SRPRB: variants seen among roughly 807,000 people sequenced by gnomAD.
SRPRB encodes SRP receptor subunit beta, also known as signal recognition particle receptor subunit beta.
A neutral mutation model predicts 31.9 loss-of-function variants in SRPRB; 20 were observed. The observed-to-expected ratio is 0.63, with a 90% CI of 0.44 to 0.91. SRPRB has a LOEUF of 0.91. Ranked by LOEUF, SRPRB falls within the 40% of genes least tolerant of loss-of-function variation. The probability of loss-of-function intolerance (pLI) is 0.00; values close to 1 mark genes in which losing one functional copy is unlikely to be tolerated. For missense variants in SRPRB, 321 were observed against 324.9 expected, an observed-to-expected ratio of 0.99 and a Z score of 0.09; for synonymous variants, 146 against 132.8, an observed-to-expected ratio of 1.10 and a Z score of -0.68.
chr3:133,794,084 C>T (rs1428660659), intron 1 of SRPRB: 1 of 152,092 alleles, frequency 6.6e-6, no homozygotes, highest in African/African-American at 2.4e-5. Flanking sequence ...TGTTATGCAC[C>T]TAATTTGGGG....
At chr3:133,814,469 C>T (rs531023605) in intron 4 of SRPRB, among the ~76,000 whole-genome samples, 3 of 151,012 alleles carry the variant, frequency 2.0e-5, no homozygotes, top group South Asian at 2.1e-4. Flanking sequence ...GATGGAGTTT[C>T]GCTTTGTCAC....
chr3:133,803,903 T>C (rs553656832), upstream of SRPRB, among the ~76,000 whole-genome samples: 54 of 151,588 alleles, frequency 3.6e-4, 1 homozygote, highest in African/African-American at 1.3e-3. Context: ...GAGACCATCC[T>C]GGCTAACATG....
rs1296767231 is a variant in SRPRB at position 133,815,483 on chromosome 3, A to G, written c.411-107A>G. The stretch of plus-strand genomic sequence containing the variant: ...CACAGACCTGCATGTGTGTCTGCTG[A>G]GTGTTAATCACCAAGATTGACTTTG... On this transcript the variant is annotated intron_variant, in intron 4 of 6. Transcript: ENST00000678299. 2.3e-6 allele frequency: 3 copies of G among 1,328,218 alleles called. No homozygotes were observed. The Admixed American group carries it at 5.3e-5, about 24-fold the overall frequency. 82.3% of individuals were successfully genotyped at this position (1,328,218 alleles called of 1,614,324 possible).
upstream of SRPRB, chr3:133,805,558 T>G: frequency 6.8e-6 from 2 of 295,452 alleles, no homozygotes; most frequent in Non-Finnish European, 6.2e-6. Context: ...CATTCATTCA[T>G]TTTATTCATT....
intron 1 of SRPRB, 75 bp downstream of exon 1, chr3:133,806,077 G>A: frequency 1.9e-6 from 3 of 1,542,452 alleles, no homozygotes; most frequent in Non-Finnish European, 1.8e-6. Flanking sequence ...GCTGCAGGCC[G>A]GGGACGCGGG....
chr3:133,795,799 A>G (rs1048006700), intron 1 of SRPRB: 1 of 151,892 alleles, frequency 6.6e-6, no homozygotes, highest in African/African-American at 2.4e-5. Context: ...GATGGTCTCG[A>G]TCTCCTAACC....
chr3:133,822,229 AT>A (rs1935484893), downstream of SRPRB, among the ~76,000 whole-genome samples: 1 of 151,748 alleles, frequency 6.6e-6, no homozygotes, highest in Admixed American at 6.6e-5. Flanking sequence ...CCTTGGGAAC[AT>A]GGCAGTGTAT....
downstream of SRPRB, chr3:133,826,726 A>G (rs960078122): frequency 1.3e-5 from 2 of 152,652 alleles, no homozygotes; most frequent in South Asian, 2.1e-4. Flanking sequence ...TAACACAACT[A>G]TGCATTATTT....
intron 4 of SRPRB, among the ~76,000 whole-genome samples, chr3:133,812,931 C>G (rs558796653): frequency 6.6e-6 from 1 of 152,264 alleles, no homozygotes; most frequent in South Asian, 2.1e-4. Context: ...ATTCAGTTTT[C>G]CCTCACTGAG....
At chr3:133,789,234 T>C (rs192692299) in intron 1 of SRPRB, 91 of 152,458 alleles carry the variant, frequency 6.0e-4, no homozygotes, top group Middle Eastern at 3.4e-3. Context: ...GGCCCCAATA[T>C]GGTTTGGATT....
At chr3:133,805,737 G>C (rs374648121), upstream of SRPRB, 21 of 1,410,152 alleles carry the variant, frequency 1.5e-5, no homozygotes, top group East Asian at 5.1e-4. Flanking sequence ...CCGCGGCTGA[G>C]GGAGAGACTA....
intron 1 of SRPRB, chr3:133,784,321 T>G (rs1425925146): frequency 6.6e-6 from 1 of 152,132 alleles, no homozygotes; most frequent in East Asian, 1.9e-4. Flanking sequence ...AGAAGGCCCG[T>G]GTATATCCTA....
chr3:133,800,262 C>T (rs1186281096), intron 1 of SRPRB, among the ~76,000 whole-genome samples: 1 of 152,216 alleles, frequency 6.6e-6, no homozygotes, highest in Non-Finnish European at 1.5e-5. Flanking sequence ...TGCTAAGAGC[C>T]AGCAGTTTTG....
At chr3:133,804,495 A>G (rs562170611), upstream of SRPRB, among the ~76,000 whole-genome samples, 45 of 152,370 alleles carry the variant, frequency 3.0e-4, no homozygotes, top group Middle Eastern at 3.4e-3. Context: ...TTGTTTTAAG[A>G]TAATTATCCT....
In SRPRB at chr3:133,807,811, C is replaced by G. The variant is rs112398870; in HGVS notation, c.315C>G (p.Val105=). Residue 105 remains valine (V), a synonymous_variant, in exon 3 of 7, where the codon GTC becomes GTG. Coordinates refer to ENST00000678299, the MANE Select transcript of SRPRB (RefSeq NM_001379313.1). The part of the protein sequence containing the change: ...SITDSCAVYR[V]NNNRGNSLTL... ...CTGACAGCTGTGCTGTATACAGAGT[C>G]AACAATAACAGGGTAAGATGTTTGT... is the stretch of plus-strand genomic sequence containing the variant. 4 of 1,609,896 alleles carry G rather than the reference C, an allele frequency of 2.5e-6. No individual in the cohort carries two copies. The African/African-American group carries it at 5.4e-5, about 22-fold the overall frequency.
chr3:133,797,026 TACAA>T (rs1339607203), intron 1 of SRPRB, among the ~76,000 whole-genome samples: 4 of 152,246 alleles, frequency 2.6e-5, no homozygotes, highest in East Asian at 1.9e-4. Context: ...TTGCTGTGTA[TACAA>T]ACAAACATTT....
At position 133,786,227 on chromosome 3, in the gene SRPRB, A is replaced by T. The variant is rs1178378759; in HGVS notation, c.-174+2083A>T. 5.2e-5 allele frequency: 4 copies of T among 76,938 alleles called. 1 individual carries two copies. Among genetic ancestry groups the T allele is most frequent in the African/African-American group, 7.0e-5 (2 of 28,656 alleles). 4.8% of individuals were successfully genotyped at this position (76,938 alleles called of 1,614,324 possible). On this transcript the variant is annotated intron_variant, in intron 1 of 7. Coordinates refer to the SRPRB transcript ENST00000466490. Reference sequence around the variant, plus strand: ...TTATCAATAAAAAAATAAATTAAAAAAAAAAAAAAAAAACAATACTATTTT... The same window carrying T: ...TTATCAATAAAAAAATAAATTAAAATAAAAAAAAAAAAACAATACTATTTT...
At chr3:133,818,187 A>G (rs922615795) in intron 6 of SRPRB, among the ~76,000 whole-genome samples, 1 of 152,146 alleles carries the variant, frequency 6.6e-6, no homozygotes, top group Non-Finnish European at 1.5e-5. Context: ...TTCTCTTGAA[A>G]TTGTTGGGAA....
chr3:133,789,173 A>G (rs1193723033), intron 1 of SRPRB: 1 of 152,232 alleles, frequency 6.6e-6, no homozygotes, highest in Non-Finnish European at 1.5e-5. Flanking sequence ...AGTTCTAAGG[A>G]CTAGTACTAA....
Sources: allele counts gnomAD v4.1 joint callset (sites outside exome capture counted in the v4.1 genomes callset), GRCh38; gene constraint gnomAD v4.1.1; transcripts MANE v1.5; gene names NCBI Gene and HGNC (gene_info 2026-07-23, HGNC 2026-07-21).